PTPRD: variants seen among roughly 807,000 people sequenced by gnomAD.
PTPRD encodes protein tyrosine phosphatase receptor type D.
A neutral mutation model predicts 214.5 loss-of-function variants in PTPRD; 34 were observed. The ratio of observed to expected loss-of-function variants is 0.16; its 90% CI spans 0.12 to 0.21. The LOEUF (loss-of-function observed/expected upper bound fraction) is 0.21. Among genes scored for constraint, PTPRD ranks in the 10% least tolerant of loss-of-function variants. The pLI, the probability that PTPRD is intolerant of heterozygous loss-of-function variation, is 1.00. For missense variants in PTPRD, 2,545 were observed against 2,398.7 expected (o/e 1.06, Z -1.27); for synonymous variants, 1,128 against 845.7 (o/e 1.33, Z -5.79).
At chr9:9,701,164 T>C (rs545695490) in intron 7 of PTPRD, among the ~76,000 whole-genome samples, 88 of 152,244 alleles carry the variant, frequency 5.8e-4, no homozygotes, top group Middle Eastern at 3.4e-3. Context: ...TGGATGAGCT[T>C]AGGAATTTGG....
chr9:9,106,166 A>G (rs1220387707), intron 10 of PTPRD, among the ~76,000 whole-genome samples: 1 of 152,076 alleles, frequency 6.6e-6, no homozygotes, highest in Non-Finnish European at 1.5e-5. Context: ...ACTGTGTTAT[A>G]GGGCTTCAGG....
intron 5 of PTPRD, among the ~76,000 whole-genome samples, chr9:9,789,468 A>AG (rs1314143213): frequency 1.3e-5 from 2 of 152,132 alleles, no homozygotes; most frequent in African/African-American, 4.8e-5. Flanking sequence ...CACTCTACTG[A>AG]GGGGGAGATA....
At chr9:10,443,397 G>C (rs757281405) in intron 2 of PTPRD, among the ~76,000 whole-genome samples, 1 of 151,512 alleles carries the variant, frequency 6.6e-6, no homozygotes, top group Non-Finnish European at 1.5e-5. Context: ...CAGAGTCAAT[G>C]TACTGTTCAC....
intron 39 of PTPRD, among the ~76,000 whole-genome samples, chr9:8,364,712 TCTC>T (rs2079366561): frequency 6.6e-6 from 1 of 152,200 alleles, no homozygotes; most frequent in Non-Finnish European, 1.5e-5. Flanking sequence ...TCTGACATCT[TCTC>T]CATCTCCCTT....
chr9:9,943,934 A>G (rs1443571730), intron 4 of PTPRD, among the ~76,000 whole-genome samples: 1 of 152,150 alleles, frequency 6.6e-6, no homozygotes, highest in East Asian at 1.9e-4. Flanking sequence ...ATGTCTCACT[A>G]AATATATCTT....
At chr9:8,751,991 C>A (rs932149906) in intron 11 of PTPRD, among the ~76,000 whole-genome samples, 5 of 152,144 alleles carry the variant, frequency 3.3e-5, no homozygotes, top group Non-Finnish European at 4.4e-5. Flanking sequence ...GTGCGTCTGA[C>A]CCTGAGCCTC....
rs181192970 is a variant in PTPRD, at chr9:9,861,236, C to T, written c.-368+77271G>A. ...GAGATACAGTTACTGCAGTGAGACT[C>T]ACATGGTATGAAAGTAATTAAGATT... On this transcript the variant is annotated intron_variant, in intron 5 of 45. Transcript: ENST00000381196. Among the ~76,000 whole-genome samples, 602 of 152,114 alleles carry T rather than the reference C, an allele frequency of 4.0e-3. 5 individuals are homozygous for T. The highest frequency in any genetic ancestry group is 0.01 in the Middle Eastern group (3 of 294).
rs578180731 is a variant in PTPRD, at chr9:8,605,990, T to G, written c.352+27327A>C. ...GAGCGGGGGTGTCGAGGGGTGGGGA[T>G]GTACATCGTATACTATATCATCCTA... On this transcript the variant is annotated intron_variant, in intron 14 of 45. Transcript: ENST00000381196. Among the ~76,000 whole-genome samples, 6 of 152,218 alleles carry G rather than the reference T, an allele frequency of 3.9e-5. No individual in the cohort carries two copies. The South Asian group carries it at 6.2e-4, about 16-fold the overall frequency.
At chr9:9,084,420 G>T (rs2099763958) in intron 10 of PTPRD, among the ~76,000 whole-genome samples, 1 of 152,156 alleles carries the variant, frequency 6.6e-6, no homozygotes, top group Non-Finnish European at 1.5e-5. Context: ...GGGGGTCTAG[G>T]GAGGGATAGT....
At chr9:8,746,299 A>G (rs1262104288) in intron 11 of PTPRD, among the ~76,000 whole-genome samples, 1 of 152,174 alleles carries the variant, frequency 6.6e-6, no homozygotes, top group African/African-American at 2.4e-5. Context: ...AAGATACACA[A>G]TGGTTATTTT....
intron 10 of PTPRD, among the ~76,000 whole-genome samples, chr9:9,159,897 C>G (rs1072692): frequency 1.3e-5 from 2 of 152,050 alleles, no homozygotes; most frequent in African/African-American, 4.8e-5. Context: ...AGAAATAAAT[C>G]TAGTCATTTG....
At chr9:8,981,059 C>A (rs1488049586) in intron 11 of PTPRD, among the ~76,000 whole-genome samples, 1 of 152,048 alleles carries the variant, frequency 6.6e-6, no homozygotes, top group Admixed American at 6.6e-5. Flanking sequence ...GTCTCCGGCA[C>A]CTCGCTAACG....
intron 12 of PTPRD, among the ~76,000 whole-genome samples, chr9:8,649,857 C>T (rs2096770393): frequency 6.6e-6 from 1 of 151,884 alleles, no homozygotes; most frequent in African/African-American, 2.4e-5. Flanking sequence ...AAATATTTGG[C>T]TATTTAAAAA....
intron 9 of PTPRD, among the ~76,000 whole-genome samples, chr9:9,205,572 C>T (rs1437733548): frequency 6.6e-6 from 1 of 152,142 alleles, no homozygotes; most frequent in Non-Finnish European, 1.5e-5. Flanking sequence ...AGTCTTCTTT[C>T]TTTGCATTAT....
At chr9:9,296,469 G>A (rs558493714) in intron 9 of PTPRD, among the ~76,000 whole-genome samples, 1 of 151,796 alleles carries the variant, frequency 6.6e-6, no homozygotes, top group South Asian at 2.1e-4. Context: ...TATGCAAGTA[G>A]CAATGCATTA....
chr9:9,806,514 G>A (rs1404387904), intron 5 of PTPRD, among the ~76,000 whole-genome samples: 1 of 152,010 alleles, frequency 6.6e-6, no homozygotes, highest in Non-Finnish European at 1.5e-5. Flanking sequence ...CAGCCCTTGA[G>A]AATGTACTTT....
At chr9:10,516,375 G>T (rs183156353) in intron 2 of PTPRD, among the ~76,000 whole-genome samples, 1 of 151,684 alleles carries the variant, frequency 6.6e-6, no homozygotes, top group Non-Finnish European at 1.5e-5. Context: ...TGTCTTCTTT[G>T]GAGAAATCTC....
intron 3 of PTPRD, among the ~76,000 whole-genome samples, chr9:10,118,799 A>G (rs1018005141): frequency 2.6e-5 from 4 of 151,422 alleles, no homozygotes; most frequent in African/African-American, 4.8e-5. Flanking sequence ...TCTAGGCACA[A>G]TGTTTTGAGA....
At chr9:9,210,289 A>G (rs2099947683) in intron 9 of PTPRD, among the ~76,000 whole-genome samples, 1 of 152,166 alleles carries the variant, frequency 6.6e-6, no homozygotes, top group Non-Finnish European at 1.5e-5. Flanking sequence ...CTGAAACTCA[A>G]GAATTGGGTA....
Sources: allele counts gnomAD v4.1 joint callset (sites outside exome capture counted in the v4.1 genomes callset), GRCh38; gene constraint gnomAD v4.1.1; transcripts MANE v1.5; gene names NCBI Gene and HGNC (gene_info 2026-07-23, HGNC 2026-07-21).